The following CDK12 variants were observed in gnomAD, a reference collection of about 807,000 sequenced individuals.
CDK12 encodes the protein cyclin-dependent kinase 12.
Under a neutral mutation model 133.8 loss-of-function variants are expected in CDK12, and 17 were observed. The ratio of observed to expected loss-of-function variants is 0.13; its 90% CI spans 0.09 to 0.19. The LOEUF is 0.19. Ranked by LOEUF, CDK12 falls within the 10% of genes least tolerant of loss-of-function variation. The probability of loss-of-function intolerance (pLI) is 1.00; values close to 1 mark genes in which losing one functional copy is unlikely to be tolerated. For missense variants in CDK12, 1,508 were observed against 1,818.7 expected (o/e 0.83, Z 3.11); for synonymous variants, 694 against 683.6 (o/e 1.02, Z -0.24).
chr17:39,469,121 C>T (rs1382248782), intron 1 of CDK12, among the ~76,000 whole-genome samples: 3 of 152,050 alleles, frequency 2.0e-5, no homozygotes, highest in East Asian at 3.8e-4. Context: ...CCACAGCACC[C>T]GGCCTTTGTT....
chr17:39,504,417 T>C (rs946974072), intron 6 of CDK12, among the ~76,000 whole-genome samples: 3 of 152,036 alleles, frequency 2.0e-5, no homozygotes, highest in African/African-American at 7.3e-5. Flanking sequence ...GGAGTGGTGA[T>C]TGATGTCAGA....
rs983019285 is a variant in CDK12 at position 39,533,797 on chromosome 17, GA to G, written c.*2490del. 32 of 229,780 alleles carry G rather than the reference GA, an allele frequency of 1.4e-4. No homozygotes were observed. The highest frequency in any genetic ancestry group is 1.3e-3 in the Middle Eastern group (1 of 776). 14.2% of individuals were successfully genotyped at this position (229,780 alleles called of 1,614,324 possible). ...TTTGACTATTTCTAAAAGCAGAGGA[GA>G]AAAAAAAACTTATTTAAATATCCTG... On this transcript the variant is annotated 3_prime_UTR_variant, in exon 14 of 14. Coordinates refer to ENST00000447079, the MANE Select transcript of CDK12 (RefSeq NM_016507.4).
intron 2 of CDK12, among the ~76,000 whole-genome samples, chr17:39,478,131 A>G (rs1315671630): frequency 1.4e-5 from 2 of 145,716 alleles, no homozygotes; most frequent in Non-Finnish European, 3.0e-5. Flanking sequence ...TCCTCAACTC[A>G]TGTGATCCTT....
chr17:39,462,901 C>T lies in CDK12; in HGVS notation c.830C>T (p.Pro277Leu), dbSNP rs772175817. ...GSTSRRQSVSPPYKEPSAYQS... is the reference protein window; with the variant it reads ...GSTSRRQSVSLPYKEPSAYQS... ...ACCTCGAGAAGGCAGTCGGTCAGTCCCCCTTACAAGGAGCCTTCGGCCTAC... is the reference window on the plus strand; with the variant it reads ...ACCTCGAGAAGGCAGTCGGTCAGTCTCCCTTACAAGGAGCCTTCGGCCTAC... The change falls in exon 1 of 14, where the codon CCC (proline) becomes CTC (leucine). Residue 277 changes from proline (P) to leucine (L), a missense_variant. Pro to Leu is a moderately conservative substitution (Grantham distance 98, BLOSUM62 -3). Coordinates refer to ENST00000447079, the MANE Select transcript of CDK12 (RefSeq NM_016507.4). 6.2e-7 allele frequency: 1 copy of T among 1,614,156 alleles called. No individual in the cohort carries two copies. The highest frequency in any genetic ancestry group is 1.7e-5 in the Admixed American group (1 of 59,998).
chr17:39,485,261 A>C lies in CDK12; in HGVS notation c.1932-5296A>C, dbSNP rs568326603. 2.0e-5 allele frequency among the ~76,000 whole-genome samples: 3 copies of C among 152,118 alleles called. No homozygotes were observed. In the South Asian group the frequency reaches 6.2e-4, roughly 32 times the overall value. Reference sequence around the variant, plus strand: ...CTGTATTAGTACTTTATTTGAGCTCATAAAGTAAACATTGGAGAAAACAAA... The same window carrying C: ...CTGTATTAGTACTTTATTTGAGCTCCTAAAGTAAACATTGGAGAAAACAAA... On this transcript the variant is annotated intron_variant, in intron 2 of 13. Coordinates refer to ENST00000447079, the MANE Select transcript of CDK12 (RefSeq NM_016507.4).
Position 39,471,199 on chromosome 17 carries a change from C to G in CDK12, c.1367C>G (p.Ser456Cys). ...CCCAGAAGTGTAAAATTGGAAAAAT[C>G]TGCCCCAGATACTGAACTGGTGAAT... ...KLPRSVKLEKSAPDTELVNVT... is the reference protein window; with the variant it reads ...KLPRSVKLEKCAPDTELVNVT... Residue 456 changes from serine to cysteine, a missense_variant, in exon 2 of 14, where the codon TCT becomes TGT. By Grantham distance (112) the Ser-to-Cys change is moderately radical. Around this residue, in one of 9 missense-constraint regions of CDK12, gnomAD observed 347 missense variants for 330.8 expected, o/e 1.05. Coordinates refer to ENST00000447079, the MANE Select transcript of CDK12 (RefSeq NM_016507.4). The G allele has an allele frequency of 6.3e-7, 1 of 1,581,746 alleles. No individual in the cohort carries two copies. Among genetic ancestry groups the G allele is most frequent in the East Asian group, 2.2e-5 (1 of 44,702 alleles).
At position 39,463,014 on chromosome 17, in the gene CDK12, A is replaced by C; in HGVS notation, c.943A>C (p.Arg315=). Residue 315 remains arginine (R), a synonymous_variant, in exon 1 of 14, where the codon AGA becomes CGA. Transcript: ENST00000447079. ...YSRRRSSSYE[R]SGSYSGRSPS... is the part of the protein sequence containing the mutation. ...CAGGAGACGGTCGTCCAGCTACGAA[A>C]GAAGTGGCTCTTACAGCGGGCGATC... is the stretch of plus-strand genomic sequence containing the variant. 6.2e-7 allele frequency: 1 copy of C among 1,614,172 alleles called. No homozygotes were observed. The highest frequency in any genetic ancestry group is 8.5e-7 in the Non-Finnish European group (1 of 1,180,028).
At chr17:39,549,416 T>C (rs2055860851), upstream of CDK12, 1 of 152,250 alleles carries the variant, frequency 6.6e-6, no homozygotes, top group African/African-American at 2.4e-5. Context: ...TTCAGGTCCT[T>C]TACCTATGAA....
At chr17:39,472,498 C>T (rs918970271) in intron 2 of CDK12, among the ~76,000 whole-genome samples, 2 of 151,326 alleles carry the variant, frequency 1.3e-5, no homozygotes, top group African/African-American at 2.4e-5. Flanking sequence ...ACATGGTGAA[C>T]CCCCATCTCT....
chr17:39,501,493 T>G (rs1362722021), intron 6 of CDK12, 54 bp downstream of exon 6: 1 of 1,266,732 alleles, frequency 7.9e-7, no homozygotes, highest in African/African-American at 1.5e-5. Flanking sequence ...TCTGACCTTT[T>G]TAGTTTCAAA....
intron 13 of CDK12, among the ~76,000 whole-genome samples, chr17:39,526,649 A>G (rs7219611): frequency 0.052 from 7,915 of 152,262 alleles, 668 homozygotes; most frequent in African/African-American, 0.18. Flanking sequence ...GTGGTGGCCA[A>G]CTAGTCCTAG....
At chr17:39,516,823 C>A (rs898964082) in intron 9 of CDK12, among the ~76,000 whole-genome samples, 4 of 151,654 alleles carry the variant, frequency 2.6e-5, no homozygotes, top group Non-Finnish European at 5.9e-5. Flanking sequence ...CCACCACACG[C>A]GGCTCATTTT....
chr17:39,471,107 A>G lies in CDK12; in HGVS notation c.1275A>G (p.Val425=), dbSNP rs756254461. The G allele has an allele frequency of 6.2e-7, 1 of 1,608,942 alleles. No individual in the cohort carries two copies. The highest frequency in any genetic ancestry group is 1.1e-5 in the South Asian group (1 of 90,360). Reference sequence around the variant, plus strand: ...GAAAGGAGTCCAAGGGTTCACCTGTATTTTTGCCTAGAAAAGAGAACAGTT... The same window carrying G: ...GAAAGGAGTCCAAGGGTTCACCTGTGTTTTTGCCTAGAAAAGAGAACAGTT... The part of the protein sequence containing the change: ...MDGKESKGSP[V]FLPRKENSSV... Residue 425 remains valine (V), a synonymous_variant, in exon 2 of 14, where the codon GTA becomes GTG. Transcript: ENST00000447079.
chr17:39,516,375 T>C (rs1400450201), intron 9 of CDK12, among the ~76,000 whole-genome samples: 1 of 151,736 alleles, frequency 6.6e-6, no homozygotes, highest in African/African-American at 2.4e-5. Context: ...TTTTTTTTTT[T>C]AGACAGGGTC....
intron 1 of CDK12, among the ~76,000 whole-genome samples, chr17:39,467,199 G>A (rs2049401729): frequency 6.6e-6 from 1 of 151,836 alleles, no homozygotes; most frequent in Non-Finnish European, 1.5e-5. Flanking sequence ...GGATGGTCTT[G>A]ATCTCTTGAC....
chr17:39,503,535 C>T (rs2052880489), intron 6 of CDK12, among the ~76,000 whole-genome samples: 1 of 151,728 alleles, frequency 6.6e-6, no homozygotes, highest in African/African-American at 2.4e-5. Context: ...GTTCCCTTTA[C>T]TCCTCCATGA....
chr17:39,548,868 T>C (rs751348967), upstream of CDK12: 3 of 152,396 alleles, frequency 2.0e-5, no homozygotes, highest in Non-Finnish European at 4.4e-5. Flanking sequence ...CTAAGGGACA[T>C]GACAGAGGTT....
chr17:39,500,387 C>T (rs1400035816), intron 5 of CDK12, among the ~76,000 whole-genome samples: 4 of 151,482 alleles, frequency 2.6e-5, no homozygotes, highest in Non-Finnish European at 5.9e-5. Context: ...AATCCCAACA[C>T]TTTGGGAAGC....
intron 3 of CDK12, among the ~76,000 whole-genome samples, chr17:39,561,742 G>T (rs1240747779): frequency 6.6e-6 from 1 of 152,102 alleles, no homozygotes; most frequent in East Asian, 1.9e-4. Context: ...TATTCCAGCA[G>T]CTGTGGACTC....
Sources: gnomAD v4.1 joint callset for allele counts (sites outside exome capture counted in the v4.1 genomes callset) on GRCh38, gnomAD v4.1.1 for gene constraint, gnomAD v4.1.1 regional missense constraint, MANE v1.5 for transcripts, NCBI Gene and HGNC (gene_info 2026-07-23, HGNC 2026-07-21) for gene names.